The following PHEX variants were observed in gnomAD, a reference collection of about 807,000 sequenced individuals.
The protein encoded by PHEX is phosphate-regulating neutral endopeptidase PHEX.
In PHEX, 16 loss-of-function variants were observed where a neutral mutation model predicts 68.0. The ratio of observed to expected loss-of-function variants is 0.24; its 90% CI spans 0.16 to 0.36. The LOEUF is 0.36. Among genes scored for constraint, PHEX ranks in the 10% least tolerant of loss-of-function variants. The probability of loss-of-function intolerance (pLI) is 1.00; values close to 1 mark genes in which losing one functional copy is unlikely to be tolerated. For synonymous variants in PHEX, 208 were observed against 205.1 expected, an observed-to-expected ratio of 1.01 and a Z score of -0.12; for missense variants, 480 against 575.5, an observed-to-expected ratio of 0.83 and a Z score of 1.70.
At chrX:22,185,810 C>T (rs1456894180) in intron 14 of PHEX, among the ~76,000 whole-genome samples, 1 of 99,393 alleles carries the variant, frequency 1.0e-5, no homozygotes, top group African/African-American at 4.0e-5. Context: ...GGCTGGAGTA[C>T]ATTGGCGTGA....
intron 12 of PHEX, among the ~76,000 whole-genome samples, chrX:22,137,141 C>T (rs946935505): frequency 3.6e-5 from 4 of 111,614 alleles, no homozygotes; most frequent in African/African-American, 1.3e-4. Context: ...ATCTCAAGGT[C>T]GCTACATCAG....
chrX:22,101,245 G>A (rs996918452), intron 9 of PHEX, among the ~76,000 whole-genome samples: 11 of 112,138 alleles, frequency 9.8e-5, no homozygotes, highest in African/African-American at 3.6e-4. Context: ...TCAACCACCA[G>A]TTTATAAAAA....
chrX:22,136,346 G>T (rs140835685), intron 12 of PHEX, among the ~76,000 whole-genome samples: 48 of 111,734 alleles, frequency 4.3e-4, no homozygotes, highest in African/African-American at 1.5e-3. Context: ...CCTGCATTAA[G>T]AAAGGATTTG....
intron 2 of PHEX, among the ~76,000 whole-genome samples, chrX:22,045,245 A>G (rs1005201160): frequency 8.9e-6 from 1 of 111,977 alleles, no homozygotes; most frequent in East Asian, 2.8e-4. Context: ...ATCTAAATTG[A>G]CACAGATTGT....
intron 12 of PHEX, among the ~76,000 whole-genome samples, chrX:22,155,993 C>A (rs1056770755): frequency 9.0e-6 from 1 of 111,727 alleles, no homozygotes; most frequent in Non-Finnish European, 1.9e-5. Context: ...CTTAAATGAA[C>A]GTGGCTGTCG....
At chrX:22,228,987 T>G (rs1033799143) in intron 20 of PHEX, among the ~76,000 whole-genome samples, 5 of 111,504 alleles carry the variant, frequency 4.5e-5, no homozygotes, top group African/African-American at 1.6e-4. Context: ...CGGGGTTTGG[T>G]TTTCTGTTCT....
At chrX:22,223,822 C>A (rs749081251) in intron 18 of PHEX, among the ~76,000 whole-genome samples, 2 of 112,659 alleles carry the variant, frequency 1.8e-5, no homozygotes, top group South Asian at 7.3e-4. Flanking sequence ...TCATAATCTT[C>A]AAGAGCCAAG....
Position 22,184,364 on chromosome X carries a change from C to T in PHEX, c.1586+5988C>T, listed in dbSNP as rs760866309. ...CAGGTCTGAAAATTCATGAGTTAAT[C>T]GAGTGGGGATCATTCTGGAGTAGCT... On this transcript the variant is annotated intron_variant, in intron 14 of 21. Transcript: ENST00000379374. Among the ~76,000 whole-genome samples the T allele has an allele frequency of 2.7e-5, 3 of 110,316 alleles. No homozygotes were observed. In the South Asian group the frequency reaches 1.2e-3, roughly 43 times the overall value.
At chrX:22,180,069 G>C (rs1379142423) in intron 14 of PHEX, among the ~76,000 whole-genome samples, 1 of 109,131 alleles carries the variant, frequency 9.2e-6, no homozygotes, top group Non-Finnish European at 1.9e-5. Context: ...CTTCTCTGTG[G>C]TATGTAGCTG....
At chrX:22,223,898 G>A (rs184486917) in intron 18 of PHEX, among the ~76,000 whole-genome samples, 2 of 112,949 alleles carry the variant, frequency 1.8e-5, no homozygotes, top group Admixed American at 1.9e-4. Context: ...AGACTGCTTG[G>A]GTTCGAATCC....
intron 20 of PHEX, among the ~76,000 whole-genome samples, chrX:22,238,371 G>A (rs751868098): frequency 1.6e-4 from 18 of 111,666 alleles, no homozygotes; most frequent in African/African-American, 5.5e-4. Context: ...GAAGCCATGA[G>A]AGACTTTACC....
intron 9 of PHEX, among the ~76,000 whole-genome samples, chrX:22,103,468 C>T (rs1195231899): frequency 1.8e-5 from 2 of 110,626 alleles, no homozygotes; most frequent in Non-Finnish European, 3.8e-5. Flanking sequence ...CCCACTCTCC[C>T]CCTGAGTCCC....
chrX:22,216,498 T>A (rs1569430140), intron 16 of PHEX, among the ~76,000 whole-genome samples: 1 of 83,308 alleles, frequency 1.2e-5, no homozygotes, highest in African/African-American at 4.1e-5. Context: ...TATGCTTATT[T>A]ATTTATTTAT....
chrX:22,098,795 C>CAAAAAAAAAAAAAAAAAA (rs746223770), intron 8 of PHEX, among the ~76,000 whole-genome samples: 3 of 11,364 alleles, frequency 2.6e-4, no homozygotes, highest in African/African-American at 4.4e-4. Context: ...GAGAATGTCT[C>CAAAAAAAAAAAAAAAAAA]AAAAAAAAAA....
rs2087669552 is a variant in PHEX, at chrX:22,219,107, A to C, written c.1768+4A>C. 9.0e-7 allele frequency: 1 copy of C among 1,114,345 alleles called. No homozygotes were observed. The highest frequency in any genetic ancestry group is 1.2e-6 in the Non-Finnish European group (1 of 806,379). The allele number at this position is 1,114,345 out of a possible 1,213,427, so 91.8% of individuals were successfully genotyped here. ...ACACATGGATTTGATAATAATGGTA[A>C]GTACCGGTTCATTTTATAAGCTGCT... On this transcript the variant is annotated splice_donor_region_variant and intron_variant, in intron 17 of 21. Coordinates refer to ENST00000379374, the MANE Select transcript of PHEX (RefSeq NM_000444.6).
chrX:22,173,579 A>G (rs951751943), intron 13 of PHEX, among the ~76,000 whole-genome samples: 2 of 110,728 alleles, frequency 1.8e-5, no homozygotes, highest in African/African-American at 6.6e-5. Context: ...GCACCAACAT[A>G]ATAAGTATGT....
intron 3 of PHEX, among the ~76,000 whole-genome samples, chrX:22,048,376 C>G (rs1182572025): frequency 9.0e-6 from 1 of 111,116 alleles, no homozygotes; most frequent in Admixed American, 9.6e-5. Flanking sequence ...ACTTTTTTCC[C>G]TGTAGAACAT....
At chrX:22,035,461 A>T (rs1050095829) in intron 1 of PHEX, among the ~76,000 whole-genome samples, 6 of 112,866 alleles carry the variant, frequency 5.3e-5, no homozygotes, top group African/African-American at 1.9e-4. Context: ...TCCATAGACA[A>T]TATGTACACA....
intron 9 of PHEX, among the ~76,000 whole-genome samples, chrX:22,103,396 G>A (rs1044506293): frequency 1.8e-5 from 2 of 110,828 alleles, no homozygotes; most frequent in Non-Finnish European, 3.8e-5. Context: ...AGATTTTGGT[G>A]TACCCATCAC....
Sources: gnomAD v4.1 joint callset for allele counts (sites outside exome capture counted in the v4.1 genomes callset) on GRCh38, gnomAD v4.1.1 for gene constraint, MANE v1.5 for transcripts, NCBI Gene and HGNC (gene_info 2026-07-23, HGNC 2026-07-21) for gene names.